ADAMDEC1: variants seen among roughly 807,000 people sequenced by gnomAD.
The protein encoded by ADAMDEC1 is ADAM DEC1.
Under a neutral mutation model 60.4 loss-of-function variants are expected in ADAMDEC1, and 62 were observed. The observed-to-expected ratio is 1.03, with a 90% CI of 0.84 to 1.27. The LOEUF (loss-of-function observed/expected upper bound fraction) is 1.27. ADAMDEC1 is among the 50% of genes most tolerant of loss of function. The pLI, the probability that ADAMDEC1 is intolerant of heterozygous loss-of-function variation, is 0.00. For synonymous variants in ADAMDEC1, 210 were observed against 195.1 expected, an observed-to-expected ratio of 1.08 and a Z score of -0.64; for missense variants, 595 against 565.0, an observed-to-expected ratio of 1.05 and a Z score of -0.54.
chr8:24,386,073 T>A (rs1371592188), intron 1 of ADAMDEC1, among the ~76,000 whole-genome samples: 1 of 152,170 alleles, frequency 6.6e-6, no homozygotes, highest in Non-Finnish European at 1.5e-5. Context: ...GCTGAAAAAG[T>A]CACTGAAATA....
chr8:24,393,153 C>T, intron 2 of ADAMDEC1, 109 bp from the exon 3 acceptor site: 1 of 612,604 alleles, frequency 1.6e-6, no homozygotes, highest in Admixed American at 3.8e-5. Context: ...AAAAGAATTG[C>T]TTTTATCCTA....
chr8:24,405,365 A>T lies in ADAMDEC1; in HGVS notation c.*67A>T, dbSNP rs982650226. The T allele has an allele frequency of 9.6e-6, 15 of 1,570,280 alleles. No homozygotes were observed. The Admixed American group carries it at 2.4e-4, about 25-fold the overall frequency. ...AAGAACCAAGAACTCTAACTGTCCC[A>T]GGAATCTTGTGAATTTTCACCCATA... On this transcript the variant is annotated 3_prime_UTR_variant, in exon 14 of 14. Transcript: ENST00000256412.
intron 5 of ADAMDEC1, among the ~76,000 whole-genome samples, chr8:24,396,919 A>C (rs189015328): frequency 2.6e-5 from 4 of 152,302 alleles, no homozygotes; most frequent in Admixed American, 2.6e-4. Context: ...TGCTATCTAA[A>C]CATTCCCTTA....
intron 11 of ADAMDEC1, among the ~76,000 whole-genome samples, chr8:24,400,849 A>T (rs1817748020): frequency 7.6e-6 from 1 of 132,180 alleles, no homozygotes; most frequent in South Asian, 2.4e-4. Context: ...AAGTGTTCTC[A>T]TTGTTCAATT....
intron 1 of ADAMDEC1, among the ~76,000 whole-genome samples, chr8:24,385,508 C>G (rs936646898): frequency 6.6e-6 from 1 of 152,116 alleles, no homozygotes; most frequent in Non-Finnish European, 1.5e-5. Flanking sequence ...ATTATTTGAT[C>G]CATATAAACA....
At chr8:24,392,643 G>A (rs1407493442) in intron 2 of ADAMDEC1, among the ~76,000 whole-genome samples, 1 of 152,150 alleles carries the variant, frequency 6.6e-6, no homozygotes, top group Non-Finnish European at 1.5e-5. Flanking sequence ...AGTGAGGAGA[G>A]AAGCCCGGGA....
chr8:24,389,576 A>G (rs1388841067), intron 1 of ADAMDEC1, among the ~76,000 whole-genome samples: 2 of 152,190 alleles, frequency 1.3e-5, no homozygotes, highest in Non-Finnish European at 2.9e-5. Flanking sequence ...AAGTCAGATT[A>G]TGTTACTTCT....
rs758350178 is a variant in ADAMDEC1, at chr8:24,397,339, T to G, written c.510T>G (p.His170Gln). 9 of 1,614,038 alleles carry G rather than the reference T, an allele frequency of 5.6e-6. No homozygotes were observed. In the South Asian group the frequency reaches 9.9e-5, roughly 18 times the overall value. Residue 170 changes from histidine to glutamine, a missense_variant, in exon 6 of 14, where the codon CAT becomes CAG. By Grantham distance (24) the His-to-Gln change is conservative. Transcript: ENST00000256412. ...TGAAAAGCACAGACGAGAAAGAACA[T>G]GCCGTCTTTACATCTAACCAGGAGG... is the stretch of plus-strand genomic sequence containing the variant. ...KPLKSTDEKEHAVFTSNQEEQ... is the reference protein window; with the variant it reads ...KPLKSTDEKEQAVFTSNQEEQ...
At chr8:24,394,231 C>T in intron 4 of ADAMDEC1, 84 bp downstream of exon 4, 1 of 1,063,226 alleles carries the variant, frequency 9.4e-7, no homozygotes, top group Non-Finnish European at 1.4e-6. Context: ...CTCCAAAGGG[C>T]TCAATTATTT....
intron 1 of ADAMDEC1, chr8:24,387,451 C>T (rs1174433945): frequency 6.6e-6 from 1 of 152,046 alleles, no homozygotes; most frequent in African/African-American, 2.4e-5. Flanking sequence ...AGGCCCATAA[C>T]GTTAAAGATG....
At chr8:24,385,652 AAC>A (rs1353464523) in intron 1 of ADAMDEC1, among the ~76,000 whole-genome samples, 2 of 152,170 alleles carry the variant, frequency 1.3e-5, no homozygotes, top group African/African-American at 4.8e-5. Flanking sequence ...TCCCAATGAC[AAC>A]ACAGAACTAA....
rs141280741 is a variant in ADAMDEC1 at position 24,397,762 on chromosome 8, C to T, written c.690+17C>T. ...AATGCCTTTGTGAGTATGAAACACA[C>T]GGCCCTCTCGGCCAGTTCAGTCACC... is the stretch of plus-strand genomic sequence containing the variant. On this transcript the variant is annotated intron_variant, in intron 7 of 13. Transcript: ENST00000256412. The T allele has an allele frequency of 2.4e-3, 3,884 of 1,605,670 alleles. 7 individuals carry two copies. Among genetic ancestry groups the T allele is most frequent in the Non-Finnish European group, 3.1e-3 (3,586 of 1,175,522 alleles).
chr8:24,397,453 A>G lies in ADAMDEC1; in HGVS notation c.624A>G (p.Pro208=), dbSNP rs746344939. 1.2e-6 allele frequency: 2 copies of G among 1,613,356 alleles called. No homozygotes were observed. Among genetic ancestry groups the G allele is most frequent in the Non-Finnish European group, 1.7e-6 (2 of 1,179,768 alleles). Residue 208 remains proline, a synonymous_variant, in exon 6 of 14, where the codon CCA becomes CCG. Transcript: ENST00000256412. ...PIRISRSLKS[P]EKEDFLRAQK... ...GAATCTCTAGATCACTCAAAAGCCCAGAGGTGAATACAATTCCCTTACCTC... is the reference window on the plus strand; with the variant it reads ...GAATCTCTAGATCACTCAAAAGCCCGGAGGTGAATACAATTCCCTTACCTC...
chr8:24,397,746 G>A lies in ADAMDEC1; in HGVS notation c.690+1G>A, dbSNP rs375712329. ...CTATTTGGTGCTGGATAATGCCTTTGTGAGTATGAAACACACGGCCCTCTC... is the reference window on the plus strand; with the variant it reads ...CTATTTGGTGCTGGATAATGCCTTTATGAGTATGAAACACACGGCCCTCTC... On this transcript the variant is annotated splice_donor_variant, in intron 7 of 13. Transcript: ENST00000256412. LOFTEE classifies it high-confidence loss of function. 20 of 1,612,606 alleles carry A rather than the reference G, an allele frequency of 1.2e-5. No individual in the cohort carries two copies. The highest frequency in any genetic ancestry group is 1.6e-5 in the Non-Finnish European group (19 of 1,179,340).
chr8:24,388,897 C>T (rs1817366620), intron 1 of ADAMDEC1, among the ~76,000 whole-genome samples: 1 of 152,124 alleles, frequency 6.6e-6, no homozygotes, highest in African/African-American at 2.4e-5. Context: ...CAAAGAGAAG[C>T]CATGTCTATG....
At chr8:24,395,269 A>G (rs1273951585) in intron 4 of ADAMDEC1, among the ~76,000 whole-genome samples, 4 of 152,238 alleles carry the variant, frequency 2.6e-5, no homozygotes, top group African/African-American at 7.2e-5. Context: ...CATTTTACTT[A>G]TTTGTAATGC....
In ADAMDEC1 at chr8:24,393,327, A is replaced by T. The variant is rs756539217; in HGVS notation, c.273A>T (p.Leu91=). Residue 91 remains leucine (L), a synonymous_variant, in exon 3 of 14, where the codon CTA becomes CTT. Transcript: ENST00000256412. The part of the protein sequence containing the change: ...ILNGEEIILS[L]QKTKHLLGPD... ...ATGGAGAAGAAATCATTCTCTCCCT[A>T]CAAAAAACCAAGTAAGTTGTACCTC... 16 of 1,600,346 alleles carry T rather than the reference A, an allele frequency of 1.0e-5. No individual in the cohort carries two copies. In the South Asian group the frequency reaches 1.6e-4, roughly 16 times the overall value.
chr8:24,392,424 A>G, intron 2 of ADAMDEC1, 44 bp downstream of exon 2: 2 of 1,428,478 alleles, frequency 1.4e-6, no homozygotes, highest in South Asian at 2.5e-5. Context: ...AATCATCCAA[A>G]GAGACAATAA....
chr8:24,394,793 A>C (rs1209880896), intron 4 of ADAMDEC1, among the ~76,000 whole-genome samples: 2 of 152,200 alleles, frequency 1.3e-5, no homozygotes, highest in African/African-American at 2.4e-5. Context: ...ATGCTCATTA[A>C]AACTTATTTC....
Sources: gnomAD v4.1 joint callset for allele counts (sites outside exome capture counted in the v4.1 genomes callset) on GRCh38, gnomAD v4.1.1 for gene constraint, MANE v1.5 for transcripts, NCBI Gene and HGNC (gene_info 2026-07-23, HGNC 2026-07-21) for gene names.